Variants in P2RY8 observed in about 807,000 individuals in gnomAD.
P2RY8 encodes the protein P2Y receptor family member 8, also known as S-geranylgeranyl-glutathione receptor P2RY8.
A neutral mutation model predicts 10.0 loss-of-function variants in P2RY8; 6 were observed. The ratio of observed to expected loss-of-function variants is 0.60; its 90% confidence interval spans 0.33 to 1.19. The LOEUF (loss-of-function observed/expected upper bound fraction) is 1.19, where lower values mean the gene tolerates loss of function less well. Ranked by LOEUF, P2RY8 falls within the 50% of genes most tolerant of loss-of-function variation. The pLI, the probability that P2RY8 is intolerant of heterozygous loss-of-function variation, is 0.04. For missense variants in P2RY8, 456 were observed against 542.0 expected, an observed-to-expected ratio of 0.84 and a Z score of 1.58; for synonymous variants, 276 against 252.5, an observed-to-expected ratio of 1.09 and a Z score of -0.88.
At chrX:1,512,360 A>C (rs2092304435) in intron 1 of P2RY8, among the ~76,000 whole-genome samples, 1 of 152,048 alleles carries the variant, frequency 6.6e-6, no homozygotes, top group African/African-American at 2.4e-5. Context: ...CATCCTGGCC[A>C]ACATGGTGAA....
chrX:1,498,537 G>C (rs1157441204), intron 1 of P2RY8, among the ~76,000 whole-genome samples: 2 of 141,414 alleles, frequency 1.4e-5, no homozygotes, highest in Non-Finnish European at 3.1e-5. Context: ...TTTTTTTTCA[G>C]ACGGAGTTTT....
rs1364070363 is a variant in P2RY8 at position 1,463,130 on chromosome X, C to T, written c.*2349G>A. On this transcript the variant is annotated 3_prime_UTR_variant, in exon 2 of 2. Coordinates refer to ENST00000381297, the MANE Select transcript of P2RY8 (RefSeq NM_178129.5). ...TTTACAAGGCAGTTTAGGGATCGTC[C>T]GTGCGTTACTGTGAAGATGCTACTC... is the stretch of plus-strand genomic sequence containing the variant. 131 of 232,998 alleles carry T rather than the reference C, an allele frequency of 5.6e-4. No homozygotes were observed. Among genetic ancestry groups the T allele is most frequent in the African/African-American group, 2.5e-3 (114 of 45,294 alleles). The allele number at this position is 232,998 out of a possible 1,614,324, so 14.4% of individuals were successfully genotyped here.
chrX:1,514,896 TCCCCTCCCCTC>T (rs1182459218), intron 1 of P2RY8, among the ~76,000 whole-genome samples: 22 of 21,464 alleles, frequency 1.0e-3, no homozygotes, highest in Non-Finnish European at 1.8e-3. Flanking sequence ...CCCCTCCCCT[TCCCCTCCCCTC>T]CCCTTCCCTT....
At chrX:1,488,692 AG>A (rs2092009990) in intron 1 of P2RY8, among the ~76,000 whole-genome samples, 1 of 151,480 alleles carries the variant, frequency 6.6e-6, no homozygotes. Flanking sequence ...TGCTGTCCTT[AG>A]CTTAGAGCTG....
At chrX:1,490,450 GATACCCAGAT>G (rs1452424410) in intron 1 of P2RY8, among the ~76,000 whole-genome samples, 1 of 146,604 alleles carries the variant, frequency 6.8e-6, no homozygotes. Flanking sequence ...ATGAATGAAT[GATACCCAGAT>G]ATTCCCTGCA....
intron 1 of P2RY8, among the ~76,000 whole-genome samples, chrX:1,471,309 ATT>A (rs1159260456): frequency 3.0e-5 from 3 of 100,026 alleles, no homozygotes; most frequent in African/African-American, 7.7e-5. Context: ...CGCCCAGCCC[ATT>A]TTTTTTTTTT....
At chrX:1,485,660 G>T (rs2091980068) in intron 1 of P2RY8, among the ~76,000 whole-genome samples, 3 of 145,694 alleles carry the variant, frequency 2.1e-5, no homozygotes, top group African/African-American at 5.0e-5. Context: ...ATATATTATT[G>T]TTATATAATA....
intron 1 of P2RY8, 138 bp from the exon 2 acceptor site, chrX:1,466,720 C>CTCCCTCCCTCCCTTAGTTCCTCCT: frequency 1.4e-6 from 1 of 708,258 alleles, no homozygotes; most frequent in Non-Finnish European, 2.3e-6. Flanking sequence ...TCCTCCCTCC[C>CTCCCTCCCTCCCTTAGTTCCTCCT]TCCCTCCCTT....
intron 1 of P2RY8, among the ~76,000 whole-genome samples, chrX:1,520,305 C>A (rs1350481539): frequency 1.3e-5 from 2 of 151,266 alleles, no homozygotes; most frequent in Non-Finnish European, 2.9e-5. Context: ...TCTCTCTGAT[C>A]TCTAATATTG....
At chrX:1,497,652 T>TCTCAAAATAAATAAATAAATAAATAGTA (rs1327311624) in intron 1 of P2RY8, among the ~76,000 whole-genome samples, 15 of 147,450 alleles carry the variant, frequency 1.0e-4, no homozygotes, top group Non-Finnish European at 1.5e-4. Context: ...GTAAACTCTG[T>TCTCAAAATAAATAAATAAATAAATAGTA]CTCAAAATAA....
intron 1 of P2RY8, among the ~76,000 whole-genome samples, chrX:1,467,299 C>T (rs139671752): frequency 0.013 from 2,027 of 152,274 alleles, 47 homozygotes; most frequent in African/African-American, 0.046. Context: ...CCAGAGGAGA[C>T]CTGCGACTTC....
chrX:1,491,626 G>C (rs1349405127), intron 1 of P2RY8, among the ~76,000 whole-genome samples: 1 of 152,188 alleles, frequency 6.6e-6, no homozygotes, highest in Non-Finnish European at 1.5e-5. Flanking sequence ...GACGGAATGT[G>C]TGGAGCAAAT....
At chrX:1,524,307 C>T (rs73186946) in intron 1 of P2RY8, among the ~76,000 whole-genome samples, 10,767 of 142,856 alleles carry the variant, frequency 0.075, 810 homozygotes, top group African/African-American at 0.089. Context: ...TTCACTCATT[C>T]ATCCGCTCAT....
At chrX:1,484,621 G>A (rs1461296435) in intron 1 of P2RY8, among the ~76,000 whole-genome samples, 6 of 150,952 alleles carry the variant, frequency 4.0e-5, no homozygotes, top group African/African-American at 1.2e-4. Context: ...CCAGCTACTC[G>A]GGAGGCTGAG....
chrX:1,520,974 T>G (rs2092385924), intron 1 of P2RY8, among the ~76,000 whole-genome samples: 1 of 150,408 alleles, frequency 6.6e-6, no homozygotes, highest in Non-Finnish European at 1.5e-5. Flanking sequence ...TGGCCCCCAA[T>G]CATCTCCTTG....
chrX:1,519,157 T>C (rs1254835717), intron 1 of P2RY8, among the ~76,000 whole-genome samples: 7 of 151,810 alleles, frequency 4.6e-5, no homozygotes, highest in African/African-American at 1.7e-4. Flanking sequence ...TGGTCCCCAA[T>C]CACCTCCCTG....
chrX:1,484,830 G>A (rs181410688), intron 1 of P2RY8, among the ~76,000 whole-genome samples: 90 of 149,808 alleles, frequency 6.0e-4, no homozygotes, highest in Non-Finnish European at 1.2e-3. Context: ...CAAGTCCTGC[G>A]TGTTTGCAAA....
intron 1 of P2RY8, among the ~76,000 whole-genome samples, chrX:1,518,433 A>T (rs1253210531): frequency 3.4e-5 from 5 of 147,684 alleles, no homozygotes; most frequent in African/African-American, 1.2e-4. Context: ...CTCAAAAAAA[A>T]AAAAATAATA....
At chrX:1,511,066 G>C (rs1254711579) in intron 1 of P2RY8, among the ~76,000 whole-genome samples, 1 of 151,616 alleles carries the variant, frequency 6.6e-6, no homozygotes. Context: ...TGTAGTCCCA[G>C]CTACTCAGGA....
Sources: allele counts gnomAD v4.1 joint callset (sites outside exome capture counted in the v4.1 genomes callset), GRCh38; gene constraint gnomAD v4.1.1; transcripts MANE v1.5; gene names NCBI Gene and HGNC (gene_info 2026-07-23, HGNC 2026-07-21).